Variants in PTPN4 observed in about 807,000 individuals in gnomAD.
PTPN4 encodes the protein tyrosine-protein phosphatase non-receptor type 4.
In PTPN4, 49 loss-of-function variants were observed where a neutral mutation model predicts 135.5. That is an observed-to-expected ratio of 0.36 (90% CI 0.29 to 0.46). The LOEUF is 0.46. Ranked by LOEUF, PTPN4 falls within the 20% of genes least tolerant of loss-of-function variation. PTPN4 has a pLI of 1.00. For synonymous variants in PTPN4, 333 were observed against 369.9 expected (o/e 0.90, Z 1.14); for missense variants, 860 against 1,101.0 (o/e 0.78, Z 3.10).
rs758359185 is a variant in PTPN4 at position 119,955,315 on chromosome 2, C to A, written c.1972C>A (p.Gln658Lys). 1.3e-6 allele frequency: 2 copies of A among 1,582,922 alleles called. No homozygotes were observed. Among genetic ancestry groups the A allele is most frequent in the African/African-American group, 1.4e-5 (1 of 73,072 alleles). The part of the protein sequence containing the change: ...EGLITGTVLT[Q>K]FDQLYRKKPG... ...GCTTATCACTGGAACAGTCCTGACA[C>A]AGTTTGATGTAAGTAATATCATTAT... is the stretch of plus-strand genomic sequence containing the variant. Residue 658 changes from glutamine to lysine, a missense_variant, in exon 20 of 27, where the codon CAG becomes AAG. By Grantham distance (53) the Gln-to-Lys change is moderately conservative (BLOSUM62 1). Around this residue, in one of 2 missense-constraint regions of PTPN4, gnomAD observed 684 missense variants for 807.0 expected, o/e 0.85. Transcript: ENST00000263708.
chr2:119,786,727 C>T (rs1225554925), intron 1 of PTPN4, among the ~76,000 whole-genome samples: 1 of 152,186 alleles, frequency 6.6e-6, no homozygotes, highest in Non-Finnish European at 1.5e-5. Context: ...ACTGAGGCAG[C>T]TACTAAGGTC....
intron 1 of PTPN4, among the ~76,000 whole-genome samples, chr2:119,776,356 T>C (rs1690836465): frequency 6.6e-6 from 1 of 152,128 alleles, no homozygotes; most frequent in Non-Finnish European, 1.5e-5. Flanking sequence ...TTTGTGTTTT[T>C]AGTAGAGACG....
At chr2:119,762,616 T>G (rs777168502) in intron 1 of PTPN4, among the ~76,000 whole-genome samples, 3 of 152,130 alleles carry the variant, frequency 2.0e-5, no homozygotes, top group Non-Finnish European at 4.4e-5. Flanking sequence ...AGAGTTAATA[T>G]GGCCACTTTT....
intron 2 of PTPN4, among the ~76,000 whole-genome samples, chr2:119,844,551 G>A (rs1677453852): frequency 1.3e-5 from 2 of 149,172 alleles, no homozygotes; most frequent in African/African-American, 5.0e-5. Flanking sequence ...CGGCCGGGCA[G>A]AGACGCTCCT....
intron 1 of PTPN4, among the ~76,000 whole-genome samples, chr2:119,807,788 A>G (rs1691500831): frequency 6.6e-6 from 1 of 152,208 alleles, no homozygotes; most frequent in African/African-American, 2.4e-5. Flanking sequence ...AGAATTTTAG[A>G]CCAATATCCC....
chr2:119,815,691 A>G (rs976215108), intron 2 of PTPN4, among the ~76,000 whole-genome samples: 15 of 152,206 alleles, frequency 9.9e-5, no homozygotes, highest in African/African-American at 2.7e-4. Context: ...ATTCATGTAC[A>G]TTATTTAATA....
chr2:119,790,434 A>G (rs183650620), intron 1 of PTPN4, among the ~76,000 whole-genome samples: 186 of 152,220 alleles, frequency 1.2e-3, no homozygotes, highest in African/African-American at 4.3e-3. Context: ...CTTATACAAT[A>G]AGAGTAAAAC....
chr2:119,976,541 C>T (rs1679620956), intron 26 of PTPN4, among the ~76,000 whole-genome samples: 1 of 152,074 alleles, frequency 6.6e-6, no homozygotes, highest in Non-Finnish European at 1.5e-5. Flanking sequence ...ACAGTAGTCA[C>T]CTGGTCCCTG....
intron 1 of PTPN4, among the ~76,000 whole-genome samples, chr2:119,764,636 A>T (rs1437534761): frequency 6.6e-6 from 1 of 151,568 alleles, no homozygotes; most frequent in African/African-American, 2.4e-5. Flanking sequence ...ATATCTTCTT[A>T]AGCTTTTTTT....
chr2:119,887,726 A>G (rs559001519), intron 9 of PTPN4, among the ~76,000 whole-genome samples: 87 of 152,140 alleles, frequency 5.7e-4, no homozygotes, highest in Admixed American at 9.2e-4. Context: ...AGTCTGTCCT[A>G]TTGGTCTGTG....
chr2:119,784,696 A>ATTTTTTTT (rs58879330), intron 1 of PTPN4, among the ~76,000 whole-genome samples: 2 of 110,166 alleles, frequency 1.8e-5, no homozygotes, highest in African/African-American at 3.8e-5. Flanking sequence ...TGCCCAGCTA[A>ATTTTTTTT]TTTTTTTTTT....
In PTPN4 at chr2:119,946,434, A is replaced by G; in HGVS notation, c.1599+10A>G. ...TGGATTCAATGTAAAGGTAATCTGG[A>G]ATTTATTTTATACTCAGTTTTTAAA... On this transcript the variant is annotated intron_variant, in intron 17 of 26. Coordinates refer to ENST00000263708, the MANE Select transcript of PTPN4 (RefSeq NM_002830.4). 1.2e-6 allele frequency: 2 copies of G among 1,602,032 alleles called. No homozygotes were observed. The highest frequency in any genetic ancestry group is 1.7e-6 in the Non-Finnish European group (2 of 1,171,708).
At chr2:119,776,800 T>A (rs1305955381) in intron 1 of PTPN4, among the ~76,000 whole-genome samples, 1 of 152,252 alleles carries the variant, frequency 6.6e-6, no homozygotes, top group Non-Finnish European at 1.5e-5. Flanking sequence ...GCATGTAACA[T>A]ACAAAATATG....
intron 12 of PTPN4, among the ~76,000 whole-genome samples, chr2:119,922,556 A>G (rs1678753185): frequency 1.3e-5 from 2 of 152,224 alleles, no homozygotes; most frequent in South Asian, 4.1e-4. Flanking sequence ...GATATCCTTT[A>G]TATATATTGT....
chr2:119,967,111 A>T (rs1679455608), intron 25 of PTPN4, among the ~76,000 whole-genome samples: 1 of 152,224 alleles, frequency 6.6e-6, no homozygotes, highest in African/African-American at 2.4e-5. Flanking sequence ...CACAGATTAG[A>T]AGTTAAAAAG....
chr2:119,787,019 T>C (rs1444685584), intron 1 of PTPN4, among the ~76,000 whole-genome samples: 3 of 152,182 alleles, frequency 2.0e-5, no homozygotes, highest in Non-Finnish European at 4.4e-5. Flanking sequence ...AGACGTAATA[T>C]GGGACAATGG....
intron 2 of PTPN4, among the ~76,000 whole-genome samples, chr2:119,847,732 C>T (rs1355704500): frequency 6.6e-6 from 1 of 152,116 alleles, no homozygotes; most frequent in Non-Finnish European, 1.5e-5. Context: ...GCCTGAAGAA[C>T]TTCCTTTGGT....
chr2:119,901,427 AAGAT>A (rs1438676515), intron 10 of PTPN4, among the ~76,000 whole-genome samples: 4 of 152,234 alleles, frequency 2.6e-5, no homozygotes, highest in Non-Finnish European at 5.9e-5. Flanking sequence ...GTGAAAAACA[AAGAT>A]AGAGAAAATT....
chr2:119,860,973 G>A (rs552068855), intron 2 of PTPN4, among the ~76,000 whole-genome samples: 19 of 151,948 alleles, frequency 1.3e-4, no homozygotes, highest in African/African-American at 4.3e-4. Context: ...CGTGGGAGGC[G>A]GAGGTTGCAG....
Sources: allele counts gnomAD v4.1 joint callset (sites outside exome capture counted in the v4.1 genomes callset), GRCh38; gene constraint gnomAD v4.1.1; regional missense constraint gnomAD v4.1.1; transcripts MANE v1.5; gene names NCBI Gene and HGNC (gene_info 2026-07-23, HGNC 2026-07-21).